Variants in CAB39L observed in about 807,000 individuals in gnomAD.
CAB39L encodes the protein calcium binding protein 39 like, also known as calcium-binding protein 39-like.
CAB39L carries 23 observed loss-of-function variants against 39.1 expected under a neutral mutation model. The observed-to-expected ratio is 0.59, with a 90% CI of 0.42 to 0.83. The LOEUF (loss-of-function observed/expected upper bound fraction) is 0.83, where lower values mean the gene tolerates loss of function less well. Ranked by LOEUF, CAB39L falls within the 40% of genes least tolerant of loss-of-function variation. The pLI is 0.00. For synonymous variants in CAB39L, 126 were observed against 137.2 expected (o/e 0.92, Z 0.57); for missense variants, 366 against 391.9 (o/e 0.93, Z 0.56).
chr13:49,386,859 C>T (rs1052047170), intron 3 of CAB39L, among the ~76,000 whole-genome samples: 2 of 152,038 alleles, frequency 1.3e-5, no homozygotes, highest in African/African-American at 4.8e-5. Context: ...AACACCTCCC[C>T]CACTCCAAGA....
At chr13:49,344,625 G>A (rs181497803) in intron 7 of CAB39L, among the ~76,000 whole-genome samples, 10 of 150,954 alleles carry the variant, frequency 6.6e-5, no homozygotes, top group African/African-American at 1.7e-4. Flanking sequence ...GGGTTCAAGC[G>A]ATTCTCCTGC....
At chr13:49,414,202 T>C (rs972847137) in intron 3 of CAB39L, 8 of 152,216 alleles carry the variant, frequency 5.3e-5, no homozygotes, top group Non-Finnish European at 1.2e-4. Context: ...AGATTTGCCT[T>C]AGTAAAAAGA....
chr13:49,411,390 A>G (rs1250421563), intron 3 of CAB39L, among the ~76,000 whole-genome samples: 3 of 150,092 alleles, frequency 2.0e-5, no homozygotes, highest in East Asian at 3.9e-4. Flanking sequence ...AGCCTGGGCA[A>G]CAGAGAGAGA....
chr13:49,369,677 T>C (rs887514970), intron 5 of CAB39L, among the ~76,000 whole-genome samples: 1 of 151,834 alleles, frequency 6.6e-6, no homozygotes, highest in Non-Finnish European at 1.5e-5. Context: ...AACCTCCACC[T>C]GCCAGGTTCA....
chr13:49,418,291 T>C (rs1429413866), intron 3 of CAB39L, among the ~76,000 whole-genome samples: 3 of 152,194 alleles, frequency 2.0e-5, no homozygotes, highest in African/African-American at 7.2e-5. Context: ...AGGTCACATA[T>C]TGTATGATTC....
At position 49,433,397 on chromosome 13, in the gene CAB39L, A is replaced by C; in HGVS notation, c.-107-4T>G. 2.2e-6 allele frequency: 1 copy of C among 450,872 alleles called. No homozygotes were observed. The highest frequency in any genetic ancestry group is 7.0e-5 in the East Asian group (1 of 14,370). 27.9% of individuals were successfully genotyped at this position (450,872 alleles called of 1,614,324 possible). A position where few individuals can be genotyped will look rare whatever the true frequency, so the allele number is the denominator to read the frequency against. Reference sequence around the variant, plus strand: ...AAGTCACTGATCACCACAGCTTCTGACAAAAAGAAAAGCTTTAAAATTAAT... The same window carrying C: ...AAGTCACTGATCACCACAGCTTCTGCCAAAAAGAAAAGCTTTAAAATTAAT... On this transcript the variant is annotated splice_region_variant and splice_polypyrimidine_tract_variant and intron_variant, in intron 2 of 10. Transcript: ENST00000409308.
chr13:49,385,671 G>A (rs1956341062), intron 3 of CAB39L, among the ~76,000 whole-genome samples: 1 of 152,126 alleles, frequency 6.6e-6, no homozygotes, highest in African/African-American at 2.4e-5. Context: ...AGGGTTATGA[G>A]CCAGCCTAAT....
In CAB39L at chr13:49,412,093, T is replaced by C. The variant is rs564270957; in HGVS notation, c.-32+21225A>G. Among the ~76,000 whole-genome samples, 9 of 152,222 alleles carry C rather than the reference T, an allele frequency of 5.9e-5. No homozygotes were observed. The East Asian group carries it at 1.4e-3, about 23-fold the overall frequency. On this transcript the variant is annotated intron_variant, in intron 3 of 10. Transcript: ENST00000409308. ...GAACCTGGTGCCATCCCCACTGGAGTTGATAGGGGTTCAGCACAAATTGGT... is the reference window on the plus strand; with the variant it reads ...GAACCTGGTGCCATCCCCACTGGAGCTGATAGGGGTTCAGCACAAATTGGT...
chr13:49,442,954 G>A (rs1285188007), intron 1 of CAB39L, among the ~76,000 whole-genome samples: 1 of 151,784 alleles, frequency 6.6e-6, no homozygotes, highest in Non-Finnish European at 1.5e-5. Flanking sequence ...TAATACATCG[G>A]CTTTCTTTTC....
At chr13:49,326,992 G>A (rs954049042) in intron 10 of CAB39L, among the ~76,000 whole-genome samples, 16 of 152,162 alleles carry the variant, frequency 1.1e-4, no homozygotes, top group South Asian at 4.1e-4. Flanking sequence ...TTTATAATGT[G>A]TAGGCATTTT....
chr13:49,428,751 G>C (rs190396252), intron 3 of CAB39L, among the ~76,000 whole-genome samples: 2 of 152,200 alleles, frequency 1.3e-5, no homozygotes, highest in Admixed American at 1.3e-4. Flanking sequence ...TAAGTGCCAA[G>C]GAGCCTAGAA....
At chr13:49,402,919 G>A (rs182907918) in intron 3 of CAB39L, among the ~76,000 whole-genome samples, 31 of 152,040 alleles carry the variant, frequency 2.0e-4, no homozygotes, top group African/African-American at 6.3e-4. Context: ...ATGTTAAATG[G>A]AAATAATTCT....
chr13:49,385,773 C>G (rs1956344206), intron 3 of CAB39L, among the ~76,000 whole-genome samples: 1 of 152,170 alleles, frequency 6.6e-6, no homozygotes, highest in African/African-American at 2.4e-5. Flanking sequence ...ACACATGCAA[C>G]ATTTATCGAT....
intron 3 of CAB39L, among the ~76,000 whole-genome samples, chr13:49,397,225 T>A (rs1053379860): frequency 1.8e-4 from 28 of 152,180 alleles, no homozygotes; most frequent in African/African-American, 6.5e-4. Context: ...CCTATAGATA[T>A]GAGTGAAACA....
chr13:49,414,865 G>C (rs1957053367), intron 3 of CAB39L, among the ~76,000 whole-genome samples: 1 of 152,040 alleles, frequency 6.6e-6, no homozygotes, highest in South Asian at 2.1e-4. Flanking sequence ...TAAAAAAGGA[G>C]CAGCTTTGTT....
At chr13:49,397,746 A>C (rs1956672780) in intron 3 of CAB39L, among the ~76,000 whole-genome samples, 1 of 152,140 alleles carries the variant, frequency 6.6e-6, no homozygotes, top group South Asian at 2.1e-4. Flanking sequence ...ATTTTATATT[A>C]GAATTTTACA....
chr13:49,336,845 A>C (rs1593935542), intron 9 of CAB39L, among the ~76,000 whole-genome samples: 1 of 152,204 alleles, frequency 6.6e-6, no homozygotes, highest in East Asian at 1.9e-4. Flanking sequence ...CCTTATCTTC[A>C]TCTGCTCTTA....
chr13:49,403,118 T>C (rs891581040), intron 3 of CAB39L, among the ~76,000 whole-genome samples: 1 of 152,156 alleles, frequency 6.6e-6, no homozygotes, highest in Non-Finnish European at 1.5e-5. Context: ...CTTTAAAACA[T>C]ATAATTACTA....
chr13:49,332,721 A>G (rs1041842373), intron 9 of CAB39L, among the ~76,000 whole-genome samples: 8 of 152,012 alleles, frequency 5.3e-5, no homozygotes, highest in African/African-American at 1.9e-4. Context: ...AAGTAAGAAT[A>G]GTTGAAGACC....
Sources: gnomAD v4.1 joint callset for allele counts (sites outside exome capture counted in the v4.1 genomes callset) on GRCh38, gnomAD v4.1.1 for gene constraint, MANE v1.5 for transcripts, NCBI Gene and HGNC (gene_info 2026-07-23, HGNC 2026-07-21) for gene names.